NT5DC1: variants seen among roughly 807,000 people sequenced by gnomAD.
NT5DC1 encodes 5'-nucleotidase domain-containing protein 1.
Under a neutral mutation model 59.4 loss-of-function variants are expected in NT5DC1, and 42 were observed. The ratio of observed to expected loss-of-function variants is 0.71; its 90% CI spans 0.55 to 0.92. The LOEUF is 0.92. Ranked by LOEUF, NT5DC1 falls within the 40% of genes least tolerant of loss-of-function variation. The pLI is 0.00. For synonymous variants in NT5DC1, 172 were observed against 188.1 expected (o/e 0.91, Z 0.70); for missense variants, 501 against 537.1 (o/e 0.93, Z 0.66).
intron 6 of NT5DC1, chr6:116,120,630 C>T: frequency 1.3e-6 from 2 of 1,554,144 alleles, no homozygotes; most frequent in Non-Finnish European, 1.7e-6. Flanking sequence ...CCTCTTGGAC[C>T]TGGAGGCCCT....
chr6:116,205,599 T>TGG (rs140260731), intron 6 of NT5DC1, among the ~76,000 whole-genome samples: 40 of 151,706 alleles, frequency 2.6e-4, no homozygotes, highest in African/African-American at 9.4e-4. Context: ...TGGAATAAAT[T>TGG]GGGGGGGAAA....
intron 4 of NT5DC1, among the ~76,000 whole-genome samples, chr6:116,115,455 T>G (rs1268793637): frequency 6.6e-6 from 1 of 152,280 alleles, no homozygotes; most frequent in African/African-American, 2.4e-5. Flanking sequence ...GACTAAAATA[T>G]CTTCGAATAC....
rs756648351 is a variant in NT5DC1 at position 116,120,461 on chromosome 6, G to T, written c.529+2516G>T. 8 of 1,614,150 alleles carry T rather than the reference G, an allele frequency of 5.0e-6. No individual in the cohort carries two copies. The Admixed American group carries it at 5.0e-5, about 10-fold the overall frequency. Reference sequence around the variant, plus strand: ...TTTGGAGAGAATAACAGTAAAAGCAGACACAGGCATTCCTGTTACCCCCTG... The same window carrying T: ...TTTGGAGAGAATAACAGTAAAAGCATACACAGGCATTCCTGTTACCCCCTG... On this transcript the variant is annotated intron_variant, in intron 6 of 11. Coordinates refer to ENST00000319550, the MANE Select transcript of NT5DC1 (RefSeq NM_152729.3).
chr6:116,154,728 A>G (rs1780140242), intron 6 of NT5DC1, among the ~76,000 whole-genome samples: 1 of 152,174 alleles, frequency 6.6e-6, no homozygotes, highest in Non-Finnish European at 1.5e-5. Context: ...ATAATTTCTC[A>G]TTCATTCTAT....
In NT5DC1 at chr6:116,105,468, C is replaced by T. The variant is rs558609489; in HGVS notation, c.94-776C>T. ...GGTTGACTCAGACAACTGTTCTGCT[C>T]AGGCTCAAGTTTACCCAACACTGGC... On this transcript the variant is annotated intron_variant, in intron 1 of 11. Coordinates refer to ENST00000319550, the MANE Select transcript of NT5DC1 (RefSeq NM_152729.3). 3.9e-5 allele frequency among the ~76,000 whole-genome samples: 6 copies of T among 152,322 alleles called. 1 individual carries two copies. In the South Asian group the frequency reaches 1.2e-3, roughly 32 times the overall value.
At chr6:116,147,815 G>GC (rs749158604) in intron 6 of NT5DC1, among the ~76,000 whole-genome samples, 2 of 152,142 alleles carry the variant, frequency 1.3e-5, no homozygotes, top group Non-Finnish European at 2.9e-5. Flanking sequence ...GTTTGTAATA[G>GC]CAGAAGAAGG....
At chr6:116,207,442 T>C (rs1447510876) in intron 6 of NT5DC1, among the ~76,000 whole-genome samples, 1 of 151,972 alleles carries the variant, frequency 6.6e-6, no homozygotes, top group Admixed American at 6.6e-5. Flanking sequence ...AGGTAAAGAC[T>C]AAGTTTATAA....
At chr6:116,215,779 C>T (rs1468164637) in intron 6 of NT5DC1, among the ~76,000 whole-genome samples, 3 of 152,044 alleles carry the variant, frequency 2.0e-5, no homozygotes, top group Admixed American at 6.6e-5. Context: ...GACAATATGG[C>T]GTGGTGGGAT....
intron 4 of NT5DC1, among the ~76,000 whole-genome samples, chr6:116,114,524 C>A: frequency 1.2e-5 from 1 of 80,064 alleles, no homozygotes; most frequent in Non-Finnish European, 2.3e-5. Context: ...ACATAGCTTG[C>A]AAATTGGGGG....
intron 7 of NT5DC1, 47 bp downstream of exon 7, chr6:116,221,275 A>G: frequency 9.1e-7 from 1 of 1,093,286 alleles, no homozygotes; most frequent in Non-Finnish European, 1.4e-6. Flanking sequence ...AAATACAGAT[A>G]GCAAATTAGA....
At chr6:116,113,822 G>A (rs138447790) in intron 4 of NT5DC1, among the ~76,000 whole-genome samples, 1 of 152,268 alleles carries the variant, frequency 6.6e-6, no homozygotes, top group Non-Finnish European at 1.5e-5. Context: ...GAAAAGCAAG[G>A]GTATGTAACT....
chr6:116,239,265 G>A (rs1582888269), intron 11 of NT5DC1, 142 bp downstream of exon 11: 1 of 655,348 alleles, frequency 1.5e-6, no homozygotes, highest in East Asian at 2.9e-5. Context: ...TGGAACCTAG[G>A]TAATTAGGAC....
chr6:116,137,608 G>T (rs974750958), intron 6 of NT5DC1: 19 of 213,686 alleles, frequency 8.9e-5, no homozygotes, highest in Admixed American at 1.2e-4. Context: ...GGATCCCCGT[G>T]CCTCAGTAGT....
intron 6 of NT5DC1, among the ~76,000 whole-genome samples, chr6:116,132,461 A>ATTTGC (rs1554194318): frequency 6.6e-6 from 1 of 150,474 alleles, no homozygotes; most frequent in Non-Finnish European, 1.5e-5. Context: ...TGTCTTTTTA[A>ATTTGC]TTTGCTTATG....
chr6:116,210,947 G>A (rs1482027675), intron 6 of NT5DC1, among the ~76,000 whole-genome samples: 1 of 152,000 alleles, frequency 6.6e-6, no homozygotes, highest in East Asian at 1.9e-4. Context: ...ATGCCTCCCA[G>A]AAGTCACACC....
At chr6:116,224,942 A>G (rs111743258) in intron 8 of NT5DC1, among the ~76,000 whole-genome samples, 46 of 152,266 alleles carry the variant, frequency 3.0e-4, no homozygotes, top group African/African-American at 1.1e-3. Context: ...GTCCAGAGCG[A>G]CAGTACTGGA....
intron 6 of NT5DC1, among the ~76,000 whole-genome samples, chr6:116,149,784 C>T (rs1457849521): frequency 1.3e-5 from 2 of 152,196 alleles, no homozygotes; most frequent in Non-Finnish European, 2.9e-5. Context: ...TGAAATCAGA[C>T]AGCTTGAAGA....
intron 6 of NT5DC1, among the ~76,000 whole-genome samples, chr6:116,135,847 A>ATGTATATATATATATATGTG (rs1459782766): frequency 4.3e-5 from 5 of 116,426 alleles, no homozygotes; most frequent in African/African-American, 2.2e-4. Flanking sequence ...ATATATATAT[A>ATGTATATATATATATATGTG]TATATATATA....
At chr6:116,140,798 A>G (rs1779745237) in intron 6 of NT5DC1, among the ~76,000 whole-genome samples, 2 of 152,148 alleles carry the variant, frequency 1.3e-5, no homozygotes, top group Admixed American at 6.5e-5. Context: ...AGATTTGTCC[A>G]TACTGATGTG....
Sources: gnomAD v4.1 joint callset for allele counts (sites outside exome capture counted in the v4.1 genomes callset) on GRCh38, gnomAD v4.1.1 for gene constraint, MANE v1.5 for transcripts, NCBI Gene and HGNC (gene_info 2026-07-23, HGNC 2026-07-21) for gene names.